Variants in CCDC7 observed in about 807,000 individuals in gnomAD.
CCDC7 encodes coiled-coil domain containing 7, also known as coiled-coil domain-containing protein 7.
Under a neutral mutation model 196.9 loss-of-function variants are expected in CCDC7, and 183 were observed. The ratio of observed to expected loss-of-function variants is 0.93; its 90% CI spans 0.82 to 1.05. The LOEUF (loss-of-function observed/expected upper bound fraction) is 1.05, where lower values mean the gene tolerates loss of function less well. Ranked by LOEUF, CCDC7 falls within the 50% of genes least tolerant of loss-of-function variation. CCDC7 has a pLI of 0.00. For synonymous variants in CCDC7, 525 were observed against 484.6 expected (o/e 1.08, Z -1.10); for missense variants, 1,540 against 1,482.2 (o/e 1.04, Z -0.64).
intron 28 of CCDC7, among the ~76,000 whole-genome samples, chr10:32,743,741 A>C (rs1213624351): frequency 6.6e-6 from 1 of 152,096 alleles, no homozygotes; most frequent in African/African-American, 2.4e-5. Context: ...AACCAACCCA[A>C]ATGTCCATCA....
intron 33 of CCDC7, among the ~76,000 whole-genome samples, chr10:32,843,960 A>C (rs1350800648): frequency 6.6e-6 from 1 of 151,964 alleles, no homozygotes; most frequent in Non-Finnish European, 1.5e-5. Flanking sequence ...TTGGGCTTCA[A>C]ATGTTACACT....
At chr10:32,525,886 G>A (rs564559075) in intron 11 of CCDC7, among the ~76,000 whole-genome samples, 8 of 152,264 alleles carry the variant, frequency 5.3e-5, no homozygotes, top group Non-Finnish European at 1.2e-4. Flanking sequence ...TCTCTGCTGA[G>A]CCATCTGGAA....
chr10:32,678,091 A>T (rs2140962410), intron 21 of CCDC7, among the ~76,000 whole-genome samples: 1 of 151,432 alleles, frequency 6.6e-6, no homozygotes. Flanking sequence ...TCTTTGTTGA[A>T]TCTCTCATTT....
chr10:32,566,815 G>A (rs1345667613), intron 14 of CCDC7, among the ~76,000 whole-genome samples: 1 of 150,194 alleles, frequency 6.7e-6, no homozygotes, highest in Non-Finnish European at 1.5e-5. Flanking sequence ...GGGAGGCTGA[G>A]GTGGGGGGAT....
intron 32 of CCDC7, among the ~76,000 whole-genome samples, chr10:32,831,431 T>A (rs1033520782): frequency 1.3e-5 from 2 of 152,214 alleles, no homozygotes; most frequent in African/African-American, 4.8e-5. Flanking sequence ...AATCTTTCCT[T>A]AAAAATAACC....
chr10:32,630,352 A>G (rs890994714), intron 18 of CCDC7, among the ~76,000 whole-genome samples: 2 of 152,122 alleles, frequency 1.3e-5, no homozygotes, highest in African/African-American at 2.4e-5. Context: ...ATATGCATAT[A>G]TATGTATGTG....
intron 5 of CCDC7, among the ~76,000 whole-genome samples, chr10:32,467,697 C>T (rs61855997): frequency 0.019 from 2,863 of 152,234 alleles, 40 homozygotes; most frequent in Non-Finnish European, 0.027. Context: ...AGGTTGTCTT[C>T]CAGAATTTTT....
rs376802235 is a variant in CCDC7 at position 32,500,238 on chromosome 10, C to T, written c.872+8241C>T. Among the ~76,000 whole-genome samples, 9 of 151,470 alleles carry T rather than the reference C, an allele frequency of 5.9e-5. No homozygotes were observed. In the South Asian group the frequency reaches 8.4e-4, roughly 14 times the overall value. On this transcript the variant is annotated intron_variant, in intron 9 of 41. Transcript: ENST00000639629. ...GGCCGGCCTGGCGGGGGCTGCCCCCCGACCTCCTGGACGGGGCGGCTGCCC... is the reference window on the plus strand; with the variant it reads ...GGCCGGCCTGGCGGGGGCTGCCCCCTGACCTCCTGGACGGGGCGGCTGCCC...
intron 18 of CCDC7, among the ~76,000 whole-genome samples, chr10:32,625,964 C>A (rs577993284): frequency 6.6e-6 from 1 of 152,214 alleles, no homozygotes; most frequent in South Asian, 2.1e-4. Context: ...TTTATCCATT[C>A]ATCCATTGAT....
At chr10:32,704,083 G>A (rs377561289) in intron 24 of CCDC7, among the ~76,000 whole-genome samples, 1 of 152,134 alleles carries the variant, frequency 6.6e-6, no homozygotes, top group Admixed American at 6.5e-5. Context: ...TGGAGGAGGA[G>A]AGGTGCTCTG....
intron 33 of CCDC7, 50 bp downstream of exon 34, chr10:32,834,948 G>C: frequency 2.7e-6 from 2 of 735,588 alleles, no homozygotes; most frequent in Non-Finnish European, 2.3e-6. Context: ...ATTTAGCTCT[G>C]AAGTTAAATA....
At chr10:32,679,239 T>C (rs1403308897) in intron 21 of CCDC7, among the ~76,000 whole-genome samples, 6 of 152,220 alleles carry the variant, frequency 3.9e-5, no homozygotes, top group African/African-American at 1.2e-4. Flanking sequence ...AAAGGGTATA[T>C]ACTTTTCAGG....
chr10:32,767,500 G>A (rs2078502802), intron 28 of CCDC7, among the ~76,000 whole-genome samples: 1 of 152,072 alleles, frequency 6.6e-6, no homozygotes, highest in Non-Finnish European at 1.5e-5. Context: ...AAATTTATTT[G>A]TGAAGTGGAG....
chr10:32,672,524 C>T (rs973552629), intron 21 of CCDC7, among the ~76,000 whole-genome samples: 1 of 152,092 alleles, frequency 6.6e-6, no homozygotes, highest in Non-Finnish European at 1.5e-5. Flanking sequence ...GACTTCTTTC[C>T]CAGTAGTGGC....
intron 28 of CCDC7, among the ~76,000 whole-genome samples, chr10:32,775,679 A>G (rs866292319): frequency 1.1e-4 from 16 of 152,178 alleles, no homozygotes; most frequent in Non-Finnish European, 2.2e-4. Context: ...AATTGCACCC[A>G]TATATTAGAA....
intron 25 of CCDC7, among the ~76,000 whole-genome samples, chr10:32,714,708 G>C (rs1041205743): frequency 1.3e-5 from 2 of 152,160 alleles, no homozygotes; most frequent in Non-Finnish European, 1.5e-5. Flanking sequence ...AAGCTTGGTG[G>C]GGGGAGGGGT....
At chr10:32,833,851 A>G (rs1220760433) in intron 32 of CCDC7, among the ~76,000 whole-genome samples, 2 of 152,020 alleles carry the variant, frequency 1.3e-5, no homozygotes, top group African/African-American at 2.4e-5. Context: ...GGACTCAACC[A>G]TTTCTCCAGA....
chr10:32,635,709 G>A (rs752350536), intron 20 of CCDC7, among the ~76,000 whole-genome samples: 4 of 150,872 alleles, frequency 2.7e-5, no homozygotes, highest in Non-Finnish European at 4.4e-5. Context: ...ACTTTCTTCT[G>A]ATTGGTATTT....
At chr10:32,467,247 G>A (rs2037002934) in intron 5 of CCDC7, among the ~76,000 whole-genome samples, 1 of 149,662 alleles carries the variant, frequency 6.7e-6, no homozygotes, top group South Asian at 2.1e-4. Context: ...GACTACAGGT[G>A]TATGCCACCA....
Sources: gnomAD v4.1 joint callset for allele counts (sites outside exome capture counted in the v4.1 genomes callset) on GRCh38, gnomAD v4.1.1 for gene constraint, MANE v1.5 for transcripts, NCBI Gene and HGNC (gene_info 2026-07-23, HGNC 2026-07-21) for gene names.